Variants in FOXO3 observed in about 807,000 individuals in gnomAD.
The protein encoded by FOXO3 is forkhead box O3.
In FOXO3, 4 loss-of-function variants were observed where a neutral mutation model predicts 41.9. The observed-to-expected ratio is 0.10, with a 90% CI of 0.05 to 0.22. The LOEUF is 0.22. Among genes scored for constraint, FOXO3 ranks in the 10% least tolerant of loss-of-function variants. The pLI, the probability that FOXO3 is intolerant of heterozygous loss-of-function variation, is 1.00. For missense variants in FOXO3, 534 were observed against 906.8 expected, an observed-to-expected ratio of 0.59 and a Z score of 5.28; for synonymous variants, 318 against 389.3, an observed-to-expected ratio of 0.82 and a Z score of 2.16.
intron 1 of FOXO3, among the ~76,000 whole-genome samples, chr6:108,645,937 A>T (rs969581040): frequency 6.6e-6 from 1 of 152,226 alleles, no homozygotes; most frequent in African/African-American, 2.4e-5. Context: ...CTAAAAATAG[A>T]ATTGTTGAGT....
intron 1 of FOXO3, among the ~76,000 whole-genome samples, chr6:108,577,383 G>A (rs1385908928): frequency 1.3e-5 from 2 of 152,062 alleles, no homozygotes; most frequent in African/African-American, 2.4e-5. Flanking sequence ...TAGTAACCTC[G>A]GTTTCACTTG....
At chr6:108,571,060 A>G (rs1276436902) in intron 1 of FOXO3, among the ~76,000 whole-genome samples, 6 of 152,310 alleles carry the variant, frequency 3.9e-5, no homozygotes, top group African/African-American at 1.4e-4. Flanking sequence ...ATTTTTACAG[A>G]GTAGTCACGT....
chr6:108,571,765 T>C (rs1224267237), intron 1 of FOXO3, among the ~76,000 whole-genome samples: 1 of 152,144 alleles, frequency 6.6e-6, no homozygotes, highest in Non-Finnish European at 1.5e-5. Flanking sequence ...GAATGAATTT[T>C]TGTTGTTTTA....
At chr6:108,665,593 C>A (rs1422540425) in intron 2 of FOXO3, among the ~76,000 whole-genome samples, 1 of 152,092 alleles carries the variant, frequency 6.6e-6, no homozygotes, top group African/African-American at 2.4e-5. Flanking sequence ...GAGACTGAAG[C>A]AGGAATTGCT....
At chr6:108,607,633 T>G (rs1260709579) in intron 1 of FOXO3, among the ~76,000 whole-genome samples, 1 of 152,218 alleles carries the variant, frequency 6.6e-6, no homozygotes, top group African/African-American at 2.4e-5. Flanking sequence ...TACATTCTTT[T>G]CAGTCTCTAA....
At chr6:108,599,735 C>G (rs1776990378) in intron 1 of FOXO3, among the ~76,000 whole-genome samples, 1 of 152,204 alleles carries the variant, frequency 6.6e-6, no homozygotes, top group South Asian at 2.1e-4. Flanking sequence ...ATCTGAGAAG[C>G]AAGCCCACCC....
chr6:108,564,329 A>G (rs1267777517), intron 1 of FOXO3, among the ~76,000 whole-genome samples: 1 of 152,220 alleles, frequency 6.6e-6, no homozygotes, highest in Non-Finnish European at 1.5e-5. Flanking sequence ...AAGAAGAGGG[A>G]AAAGGGAGAG....
intron 1 of FOXO3, among the ~76,000 whole-genome samples, chr6:108,646,121 T>C (rs1182918353): frequency 1.3e-5 from 2 of 152,206 alleles, no homozygotes; most frequent in Non-Finnish European, 2.9e-5. Context: ...GGTCTCCTCA[T>C]GGTCCATCCG....
intron 1 of FOXO3, among the ~76,000 whole-genome samples, chr6:108,594,254 A>G (rs921823728): frequency 6.6e-6 from 1 of 152,202 alleles, no homozygotes; most frequent in Non-Finnish European, 1.5e-5. Context: ...TTTGTTTGCA[A>G]AAAGATGAAA....
chr6:108,573,920 G>A (rs183329180), intron 1 of FOXO3, among the ~76,000 whole-genome samples: 41 of 152,152 alleles, frequency 2.7e-4, no homozygotes, highest in Non-Finnish European at 5.1e-4. Context: ...TTGGGAGGCC[G>A]AGGCAGGTGG....
At chr6:108,622,175 C>G (rs894975753) in intron 1 of FOXO3, among the ~76,000 whole-genome samples, 12 of 146,204 alleles carry the variant, frequency 8.2e-5, no homozygotes, top group African/African-American at 3.1e-4. Flanking sequence ...AGGAGAGTCG[C>G]TTGAACCCAG....
At chr6:108,671,421 C>A (rs938950296) in intron 2 of FOXO3, among the ~76,000 whole-genome samples, 14 of 152,308 alleles carry the variant, frequency 9.2e-5, no homozygotes, top group African/African-American at 3.1e-4. Context: ...TAAGTGAGAT[C>A]CTGTGGGATG....
chr6:108,658,308 T>A (rs2128385157), intron 1 of FOXO3, among the ~76,000 whole-genome samples: 1 of 152,232 alleles, frequency 6.6e-6, no homozygotes, highest in Admixed American at 6.5e-5. Context: ...CTGCTGAGAT[T>A]GGGGACTGTG....
chr6:108,598,777 A>G (rs769037437), intron 1 of FOXO3, among the ~76,000 whole-genome samples: 4 of 152,164 alleles, frequency 2.6e-5, no homozygotes, highest in Non-Finnish European at 5.9e-5. Context: ...AATGGCTTCC[A>G]GGAATGCCTA....
chr6:108,580,073 CTT>C (rs1366106050), intron 1 of FOXO3, among the ~76,000 whole-genome samples: 1 of 151,866 alleles, frequency 6.6e-6, no homozygotes, highest in Admixed American at 6.6e-5. Flanking sequence ...CAGTCATAAC[CTT>C]AGATTTATCT....
chr6:108,579,577 C>T (rs1776352964), intron 1 of FOXO3, among the ~76,000 whole-genome samples: 1 of 152,200 alleles, frequency 6.6e-6, no homozygotes, highest in South Asian at 2.1e-4. Flanking sequence ...GGATCCTTTC[C>T]AGAGCCATCA....
At chr6:108,585,637 G>A (rs767428672) in intron 1 of FOXO3, among the ~76,000 whole-genome samples, 4 of 152,226 alleles carry the variant, frequency 2.6e-5, no homozygotes, top group Non-Finnish European at 4.4e-5. Context: ...ACAGCTGGGA[G>A]TCTGCAAGGT....
At chr6:108,653,956 G>A (rs1345457994) in intron 1 of FOXO3, among the ~76,000 whole-genome samples, 1 of 152,202 alleles carries the variant, frequency 6.6e-6, no homozygotes, top group Non-Finnish European at 1.5e-5. Context: ...CTTGTGGGAA[G>A]GGGAAACAGA....
At chr6:108,670,312 T>G (rs1387506221) in intron 2 of FOXO3, among the ~76,000 whole-genome samples, 1 of 152,116 alleles carries the variant, frequency 6.6e-6, no homozygotes, top group Non-Finnish European at 1.5e-5. Flanking sequence ...AATTTCAAAG[T>G]ATTGCTTTCC....
Sources: allele counts gnomAD v4.1 joint callset (sites outside exome capture counted in the v4.1 genomes callset), GRCh38; gene constraint gnomAD v4.1.1; transcripts MANE v1.5; gene names NCBI Gene and HGNC (gene_info 2026-07-23, HGNC 2026-07-21).